The following ASB3 variants were observed in gnomAD, a reference collection of about 807,000 sequenced individuals.
ASB3 encodes ankyrin repeat and SOCS box protein 3.
A neutral mutation model predicts 54.5 loss-of-function variants in ASB3; 41 were observed. The observed-to-expected ratio is 0.75, with a 90% CI of 0.59 to 0.98. The LOEUF is 0.98. Ranked by LOEUF, ASB3 falls within the 50% of genes least tolerant of loss-of-function variation. The pLI, the probability that ASB3 is intolerant of heterozygous loss-of-function variation, is 0.00. For synonymous variants in ASB3, 266 were observed against 221.2 expected (o/e 1.20, Z -1.80); for missense variants, 733 against 620.0 (o/e 1.18, Z -1.94).
rs147445912 is a variant in ASB3, at chr2:53,783,764, C to T, written c.-14+3057G>A. ...CCCAAGCTATCATTAAATGAGCAGG[C>T]AAGGTAAAGGCATTTTCAGACATAT... is the stretch of plus-strand genomic sequence containing the variant. On this transcript the variant is annotated intron_variant, in intron 1 of 9. Coordinates refer to ENST00000263634, the MANE Select transcript of ASB3 (RefSeq NM_016115.5). Among the ~76,000 whole-genome samples, 931 of 152,246 alleles carry T rather than the reference C, an allele frequency of 6.1e-3. 12 individuals carry two copies. The highest frequency in any genetic ancestry group is 0.021 in the African/African-American group (892 of 41,532).
intron 9 of ASB3, among the ~76,000 whole-genome samples, chr2:53,679,860 T>C (rs1198061737): frequency 1.3e-5 from 2 of 152,200 alleles, no homozygotes; most frequent in Non-Finnish European, 2.9e-5. Flanking sequence ...TTAAGCCTAG[T>C]ACTCATTCGT....
intron 6 of ASB3, among the ~76,000 whole-genome samples, chr2:53,715,632 A>T (rs1228648279): frequency 6.6e-6 from 1 of 152,188 alleles, no homozygotes; most frequent in Non-Finnish European, 1.5e-5. Flanking sequence ...AAATCTAAGT[A>T]TTTTGTTAAA....
intron 9 of ASB3, among the ~76,000 whole-genome samples, chr2:53,676,017 A>G (rs1200053343): frequency 6.6e-6 from 1 of 152,198 alleles, no homozygotes; most frequent in Non-Finnish European, 1.5e-5. Context: ...TTGCATAGCT[A>G]TTTATCACCA....
chr2:53,692,656 T>C (rs958890120), intron 9 of ASB3, among the ~76,000 whole-genome samples: 2 of 152,166 alleles, frequency 1.3e-5, no homozygotes, highest in Non-Finnish European at 2.9e-5. Flanking sequence ...GTCTTAAGGG[T>C]AAACTCTCAT....
At chr2:53,705,976 A>G (rs1046382001) in intron 7 of ASB3, among the ~76,000 whole-genome samples, 3 of 152,194 alleles carry the variant, frequency 2.0e-5, no homozygotes, top group African/African-American at 7.2e-5. Flanking sequence ...ACATATATTG[A>G]CATTGAGACC....
intron 3 of ASB3, among the ~76,000 whole-genome samples, chr2:53,744,192 C>A (rs892026308): frequency 1.3e-5 from 2 of 150,760 alleles, no homozygotes; most frequent in Non-Finnish European, 3.0e-5. Flanking sequence ...CTGGCTAACA[C>A]GGTGAAACCT....
chr2:53,758,857 G>T (rs1002637225), intron 2 of ASB3, among the ~76,000 whole-genome samples: 1 of 152,068 alleles, frequency 6.6e-6, no homozygotes, highest in Non-Finnish European at 1.5e-5. Flanking sequence ...AGGCAAAAAC[G>T]CCCCTAAGAT....
rs772656677 is a variant in ASB3, at chr2:53,765,364, G to A, written c.196+13C>T. On this transcript the variant is annotated intron_variant, in intron 2 of 9. Coordinates refer to ENST00000263634, the MANE Select transcript of ASB3 (RefSeq NM_016115.5). Reference sequence around the variant, plus strand: ...CTTGTAGGCAAAGCCTCCATACCTTGAATTTACTTTACCTGCATTAATTAA... The same window carrying A: ...CTTGTAGGCAAAGCCTCCATACCTTAAATTTACTTTACCTGCATTAATTAA... 5 of 1,613,852 alleles carry A rather than the reference G, an allele frequency of 3.1e-6. No homozygotes were observed. In the African/African-American group the frequency reaches 5.3e-5, roughly 17 times the overall value.
intron 3 of ASB3, among the ~76,000 whole-genome samples, chr2:53,736,013 A>C (rs1671608066): frequency 1.3e-5 from 2 of 151,910 alleles, no homozygotes; most frequent in Admixed American, 6.6e-5. Context: ...AAAAAAAAAA[A>C]AGAAAGGAAA....
In ASB3 at chr2:53,716,632, T is replaced by C. The variant is rs764300790; in HGVS notation, c.716A>G (p.Asp239Gly). The C allele has an allele frequency of 6.2e-7, 1 of 1,614,198 alleles. No homozygotes were observed. The highest frequency in any genetic ancestry group is 2.2e-5 in the East Asian group (1 of 44,888). ...CCAACTGTCCTCATTACAGTAAAGA[T>C]CAGGATCTGCCCCACTGGAGAGCAA... ...ELLLSSGADP[D>G]LYCNEDSWQL... Residue 239 changes from aspartate (D) to glycine (G), a missense_variant, in exon 6 of 10, where the codon GAT becomes GGT. By Grantham distance (94) the Asp-to-Gly change is moderately conservative. Coordinates refer to ENST00000263634, the MANE Select transcript of ASB3 (RefSeq NM_016115.5).
chr2:53,758,273 G>A (rs1672948849), intron 2 of ASB3, among the ~76,000 whole-genome samples: 1 of 152,152 alleles, frequency 6.6e-6, no homozygotes. Context: ...ACGGAAAAAG[G>A]CACATGGGAT....
At chr2:53,779,488 G>A (rs1674527683) in intron 1 of ASB3, among the ~76,000 whole-genome samples, 1 of 151,868 alleles carries the variant, frequency 6.6e-6, no homozygotes. Context: ...CCAGGCTGGA[G>A]TGCAGTGGCA....
At chr2:53,763,726 T>C (rs1201200102) in intron 2 of ASB3, 2 of 162,940 alleles carry the variant, frequency 1.2e-5, no homozygotes, top group East Asian at 3.9e-4. Context: ...GAAGAAGAGA[T>C]GTAACAGTAT....
chr2:53,681,415 C>A (rs1200105968), intron 9 of ASB3, among the ~76,000 whole-genome samples: 1 of 152,128 alleles, frequency 6.6e-6, no homozygotes, highest in Admixed American at 6.6e-5. Context: ...GTTGCCTGTG[C>A]TTGTGGGGTA....
chr2:53,759,500 C>T (rs1673021561), intron 2 of ASB3, among the ~76,000 whole-genome samples: 1 of 152,158 alleles, frequency 6.6e-6, no homozygotes, highest in Non-Finnish European at 1.5e-5. Context: ...CGGAGCAAAA[C>T]TTAGAAACCC....
Position 53,750,956 on chromosome 2 carries a change from A to C in ASB3, c.197-15T>G. ...TTCAGATGAATCTGTGGAAGAATCAAAGCCCATCAACTAGAAGGTATTACT... is the reference window on the plus strand; with the variant it reads ...TTCAGATGAATCTGTGGAAGAATCACAGCCCATCAACTAGAAGGTATTACT... On this transcript the variant is annotated splice_polypyrimidine_tract_variant and intron_variant, in intron 2 of 9. Transcript: ENST00000263634. The C allele has an allele frequency of 2.7e-6, 4 of 1,508,926 alleles. No individual in the cohort carries two copies. The highest frequency in any genetic ancestry group is 3.5e-6 in the Non-Finnish European group (4 of 1,128,208). 93.5% of individuals were successfully genotyped at this position (1,508,926 alleles called of 1,614,324 possible).
In ASB3 at chr2:53,740,108, A is replaced by G. The variant is rs200920466; in HGVS notation, c.356-10538T>C. Among the ~76,000 whole-genome samples, 3 of 152,212 alleles carry G rather than the reference A, an allele frequency of 2.0e-5. No homozygotes were observed. The East Asian group carries it at 5.8e-4, about 29-fold the overall frequency. On this transcript the variant is annotated intron_variant, in intron 3 of 9. Transcript: ENST00000263634. ...AGCAGCAGGCTGGCTGGCTATGCAGAAATCATCTATATATTCAATTTTACA... is the reference window on the plus strand; with the variant it reads ...AGCAGCAGGCTGGCTGGCTATGCAGGAATCATCTATATATTCAATTTTACA...
intron 7 of ASB3, among the ~76,000 whole-genome samples, chr2:53,700,928 A>G (rs1669457349): frequency 6.6e-6 from 1 of 152,200 alleles, no homozygotes; most frequent in South Asian, 2.1e-4. Context: ...AATCTCTAAG[A>G]TATCATTTTC....
At chr2:53,775,366 T>A (rs2692530) in intron 1 of ASB3, among the ~76,000 whole-genome samples, 42,145 of 152,098 alleles carry the variant, frequency 0.28, 6,195 homozygotes, top group South Asian at 0.33. Flanking sequence ...TATATACATA[T>A]ATATACATAT....
Sources: gnomAD v4.1 joint callset for allele counts (sites outside exome capture counted in the v4.1 genomes callset) on GRCh38, gnomAD v4.1.1 for gene constraint, MANE v1.5 for transcripts, NCBI Gene and HGNC (gene_info 2026-07-23, HGNC 2026-07-21) for gene names.